Variants in SERPINF2 observed in about 807,000 individuals in gnomAD.
The protein encoded by SERPINF2 is serpin family F member 2.
Under a neutral mutation model 45.0 loss-of-function variants are expected in SERPINF2, and 15 were observed. The ratio of observed to expected loss-of-function variants is 0.33; its 90% confidence interval spans 0.22 to 0.51. The LOEUF (loss-of-function observed/expected upper bound fraction) is 0.51. SERPINF2 is among the 20% of genes least tolerant of loss of function. The pLI, the probability that SERPINF2 is intolerant of heterozygous loss-of-function variation, is 0.97. For missense variants in SERPINF2, 518 were observed against 637.4 expected, an observed-to-expected ratio of 0.81 and a Z score of 2.02; for synonymous variants, 283 against 277.9, an observed-to-expected ratio of 1.02 and a Z score of -0.18.
In SERPINF2 at chr17:1,745,225, T is replaced by G. The variant is rs1597321963; in HGVS notation, c.102+12T>G. The G allele has an allele frequency of 1.4e-6, 2 of 1,474,148 alleles. No individual in the cohort carries two copies. The highest frequency in any genetic ancestry group is 1.9e-5 in the African/African-American group (1 of 52,950). The allele number at this position is 1,474,148 out of a possible 1,614,324, so 91.3% of individuals were successfully genotyped here. ...CCTTGGGCCGGCAGGTACTGGGGAGTGAGGAGCCTGTGATGGGGGGAAGGT... is the reference window on the plus strand; with the variant it reads ...CCTTGGGCCGGCAGGTACTGGGGAGGGAGGAGCCTGTGATGGGGGGAAGGT... On this transcript the variant is annotated intron_variant, in intron 3 of 9. Transcript: ENST00000453066. This position sits in a 1 kb window ranked among gnomAD's most constrained non-coding sequence, Gnocchi z 6.2.
At position 1,751,936 on chromosome 17, in the gene SERPINF2, A is replaced by C. The variant is rs1425225211; in HGVS notation, c.859-650A>C. Among the ~76,000 whole-genome samples the C allele has an allele frequency of 1.4e-5, 2 of 139,054 alleles. 1 individual carries two copies. Among genetic ancestry groups the C allele is most frequent in the African/African-American group, 4.9e-5 (2 of 40,832 alleles). The allele number at this position is 139,054 out of a possible 152,430, so 91.2% of individuals were successfully genotyped here. ...CTGTGGTACATCTGGAGAAGCTGAGACAAAGACAGGCGATTCCTTACGCCG... is the reference window on the plus strand; with the variant it reads ...CTGTGGTACATCTGGAGAAGCTGAGCCAAAGACAGGCGATTCCTTACGCCG... On this transcript the variant is annotated intron_variant, in intron 8 of 9. Transcript: ENST00000453066.
At chr17:1,752,136 C>G (rs1019758332) in intron 8 of SERPINF2, among the ~76,000 whole-genome samples, 6 of 151,004 alleles carry the variant, frequency 4.0e-5, no homozygotes, top group Non-Finnish European at 7.4e-5. Context: ...ATGGCAACCT[C>G]TGCCTCCCGG....
intron 9 of SERPINF2, 64 bp downstream of exon 9, chr17:1,752,854 G>A (rs868252473): frequency 2.2e-5 from 32 of 1,442,034 alleles, no homozygotes; most frequent in Middle Eastern, 2.4e-4. Context: ...AGGAGGAAGC[G>A]TCTGGCTGGC....
Position 1,752,797 on chromosome 17 carries a change from A to T in SERPINF2, c.1063+7A>T. 1 of 1,602,010 alleles carries T rather than the reference A, an allele frequency of 6.2e-7. No individual in the cohort carries two copies. The highest frequency in any genetic ancestry group is 8.5e-7 in the Non-Finnish European group (1 of 1,174,636). ...GCCACCCTCAGCCAGCTGGGTAAGGAGGAGGGTGCGGGCGAGCCCCCGAGG... is the reference window on the plus strand; with the variant it reads ...GCCACCCTCAGCCAGCTGGGTAAGGTGGAGGGTGCGGGCGAGCCCCCGAGG... On this transcript the variant is annotated splice_region_variant and intron_variant, in intron 9 of 9. Coordinates refer to ENST00000453066, the MANE Select transcript of SERPINF2 (RefSeq NM_000934.4).
At chr17:1,748,450 C>T in intron 7 of SERPINF2, 148 bp from the exon 8 acceptor site, 1 of 989,456 alleles carries the variant, frequency 1.0e-6, no homozygotes, top group Non-Finnish European at 1.6e-6. Context: ...TTGGCCTCCA[C>T]CGCTGTCTCA....
At chr17:1,743,142 G>A (rs553893037) in intron 1 of SERPINF2, 6 of 978,524 alleles carry the variant, frequency 6.1e-6, no homozygotes, top group African/African-American at 1.8e-5. Context: ...GGGACCAAAG[G>A]ATCCTCCAGA....
At chr17:1,752,067 T>C (rs1211324242) in intron 8 of SERPINF2, among the ~76,000 whole-genome samples, 1 of 138,160 alleles carries the variant, frequency 7.2e-6, no homozygotes, top group Non-Finnish European at 1.6e-5. Flanking sequence ...TTTTCTTTTT[T>C]TGAGACGGAT....
intron 8 of SERPINF2, among the ~76,000 whole-genome samples, chr17:1,749,018 C>T (rs1293969103): frequency 6.6e-6 from 1 of 152,202 alleles, no homozygotes; most frequent in Non-Finnish European, 1.5e-5. Flanking sequence ...TTTTGTGGAG[C>T]ATGAGGGAGG....
At chr17:1,744,151 C>T (rs1905571870) in intron 1 of SERPINF2, among the ~76,000 whole-genome samples, 1 of 151,296 alleles carries the variant, frequency 6.6e-6, no homozygotes, top group African/African-American at 2.4e-5. Context: ...TGCCCCTGGC[C>T]TCCCAAAGTG....
Position 1,742,871 on chromosome 17 carries a change from A to C in SERPINF2, c.-42A>C. ...GAGTGAGGAGCACCCAAGTGGGGCC[A>C]GAGGAACGTTGTGTGTGGCAGCAAG... On this transcript the variant is annotated 5_prime_UTR_variant, in exon 1 of 10. Transcript: ENST00000453066. 1.0e-6 allele frequency: 1 copy of C among 985,236 alleles called. No homozygotes were observed. 61.0% of individuals were successfully genotyped at this position (985,236 alleles called of 1,614,324 possible).
intron 7 of SERPINF2, among the ~76,000 whole-genome samples, chr17:1,748,070 C>A (rs906695547): frequency 1.3e-5 from 2 of 151,522 alleles, no homozygotes; most frequent in Non-Finnish European, 2.9e-5. Flanking sequence ...GAGGCCGAGG[C>A]GGGCAGATCA....
chr17:1,754,087 G>A (rs1291749264), intron 9 of SERPINF2, 35 bp from the exon 10 acceptor site: 5 of 1,599,318 alleles, frequency 3.1e-6, no homozygotes, highest in Non-Finnish European at 4.2e-6. Context: ...TGAGGCCAAG[G>A]GCAGCTCTGA....
At chr17:1,752,315 C>T (rs1238383886) in intron 8 of SERPINF2, among the ~76,000 whole-genome samples, 2 of 152,148 alleles carry the variant, frequency 1.3e-5, no homozygotes, top group Non-Finnish European at 2.9e-5. Flanking sequence ...CTCGGCCTCC[C>T]AAAGTGCTAG....
At chr17:1,750,929 G>T (rs1221006091) in intron 8 of SERPINF2, among the ~76,000 whole-genome samples, 1 of 152,118 alleles carries the variant, frequency 6.6e-6, no homozygotes, top group East Asian at 1.9e-4. Context: ...GCTGTGTCCT[G>T]CGTACTCTTC....
chr17:1,743,883 G>T (rs1481485137), intron 1 of SERPINF2, among the ~76,000 whole-genome samples: 1 of 151,750 alleles, frequency 6.6e-6, no homozygotes, highest in Non-Finnish European at 1.5e-5. Flanking sequence ...ATTGTACTCA[G>T]GGTTTACAAA....
chr17:1,752,630 T>G lies in SERPINF2; in HGVS notation c.903T>G (p.Leu301=), dbSNP rs79211530. 2.4e-3 allele frequency: 3,920 copies of G among 1,614,188 alleles called. 90 individuals are homozygous for G. The East Asian group carries it at 0.05, about 20-fold the overall frequency. ...PFKNNMSFVV[L]VPTHFEWNVS... is the part of the protein sequence containing the mutation. ...AGAACAACATGAGCTTTGTGGTCCT[T>G]GTACCCACCCACTTTGAATGGAACG... Residue 301 remains leucine (L), a synonymous_variant, in exon 9 of 10, where the codon CTT becomes CTG. Coordinates refer to ENST00000453066, the MANE Select transcript of SERPINF2 (RefSeq NM_000934.4).
rs540503698 is a variant in SERPINF2, at chr17:1,746,646, C to T, written c.368-373C>T. The stretch of plus-strand genomic sequence containing the variant: ...TTCACCATGTTGGCCAGGGTGGTCT[C>T]GAACTCTCGACCTAAGGTGATCAAC... On this transcript the variant is annotated intron_variant, in intron 5 of 9. Coordinates refer to ENST00000453066, the MANE Select transcript of SERPINF2 (RefSeq NM_000934.4). Among the ~76,000 whole-genome samples, 403 of 152,132 alleles carry T rather than the reference C, an allele frequency of 2.6e-3. 3 individuals are homozygous for T. The highest frequency in any genetic ancestry group is 5.6e-3 in the South Asian group (27 of 4,820).
chr17:1,754,992 G>A lies in SERPINF2; in HGVS notation c.*458G>A, dbSNP rs569118516. Reference sequence around the variant, plus strand: ...GAGGCGAAGCGTTGTCCTCAGCCCCGCGTGGAACTCGTGTCTGGCACAGCC... The same window carrying A: ...GAGGCGAAGCGTTGTCCTCAGCCCCACGTGGAACTCGTGTCTGGCACAGCC... On this transcript the variant is annotated 3_prime_UTR_variant, in exon 10 of 10. Coordinates refer to ENST00000453066, the MANE Select transcript of SERPINF2 (RefSeq NM_000934.4). 2.6e-5 allele frequency: 5 copies of A among 194,294 alleles called. No homozygotes were observed. The highest frequency in any genetic ancestry group is 3.1e-5 in the Non-Finnish European group (3 of 95,452). 12.0% of individuals were successfully genotyped at this position (194,294 alleles called of 1,614,324 possible). A position where few individuals can be genotyped will look rare whatever the true frequency, so the allele number is the denominator to read the frequency against.
Position 1,745,720 on chromosome 17 carries a change from C to A in SERPINF2, c.178C>A (p.Gln60Lys). ...TCTGTCCCTGCAGGAGCCTGGTGGC[C>A]AGACTGCCCTGAAGAGTCCCCCAGG... is the stretch of plus-strand genomic sequence containing the variant. ...LKLGNQEPGG[Q>K]TALKSPPGVC... Residue 60 changes from glutamine (Q) to lysine (K), a missense_variant, in exon 5 of 10, where the codon CAG (glutamine) becomes AAG (lysine). Physicochemically the swap from Gln to Lys is moderately conservative, Grantham distance 53. Around this residue, in one of 2 missense-constraint regions of SERPINF2, gnomAD observed 435 missense variants for 577.3 expected, o/e 0.75. Transcript: ENST00000453066. This position sits in a 1 kb window ranked among gnomAD's most constrained non-coding sequence, Gnocchi z 6.2. 1 of 1,613,656 alleles carries A rather than the reference C, an allele frequency of 6.2e-7. No homozygotes were observed. Among genetic ancestry groups the A allele is most frequent in the South Asian group, 1.1e-5 (1 of 91,066 alleles).
Sources: gnomAD v4.1 joint callset for allele counts (sites outside exome capture counted in the v4.1 genomes callset) on GRCh38, gnomAD v4.1.1 for gene constraint, gnomAD v4.1.1 regional missense constraint, Gnocchi (gnomAD v3.1) non-coding constraint, MANE v1.5 for transcripts, NCBI Gene and HGNC (gene_info 2026-07-23, HGNC 2026-07-21) for gene names.